The following CDK14 variants were observed in gnomAD, a reference collection of about 807,000 sequenced individuals.
CDK14 encodes the protein cyclin-dependent kinase 14.
In CDK14, 34 loss-of-function variants were observed where a neutral mutation model predicts 60.7. The ratio of observed to expected loss-of-function variants is 0.56; its 90% CI spans 0.43 to 0.75. The LOEUF is 0.75. Among genes scored for constraint, CDK14 ranks in the 30% least tolerant of loss-of-function variants. CDK14 has a pLI of 0.00. For synonymous variants in CDK14, 197 were observed against 203.7 expected, an observed-to-expected ratio of 0.97 and a Z score of 0.28; for missense variants, 482 against 564.1, an observed-to-expected ratio of 0.85 and a Z score of 1.47.
chr7:90,811,414 A>C (rs1562781483), intron 5 of CDK14, among the ~76,000 whole-genome samples: 2 of 152,258 alleles, frequency 1.3e-5, no homozygotes, highest in African/African-American at 2.4e-5. Flanking sequence ...GGCTAGCCAT[A>C]TGCAGAAAGC....
At chr7:90,639,312 G>A (rs916249981) in intron 2 of CDK14, among the ~76,000 whole-genome samples, 7 of 151,864 alleles carry the variant, frequency 4.6e-5, no homozygotes, top group African/African-American at 1.2e-4. Context: ...TTTTGGTGTG[G>A]ATGTCCTTTC....
chr7:91,026,498 C>T (rs1022297203), intron 10 of CDK14, among the ~76,000 whole-genome samples: 2 of 152,164 alleles, frequency 1.3e-5, no homozygotes, highest in African/African-American at 2.4e-5. Context: ...ACTGTTAGCC[C>T]AACCTCTGAT....
At chr7:90,623,480 A>C (rs1799815477) in intron 2 of CDK14, among the ~76,000 whole-genome samples, 1 of 152,206 alleles carries the variant, frequency 6.6e-6, no homozygotes, top group African/African-American at 2.4e-5. Context: ...AGTGGGAAAG[A>C]AGGAAGGAAA....
At chr7:90,961,360 T>TA (rs534456899) in intron 9 of CDK14, among the ~76,000 whole-genome samples, 3,461 of 152,114 alleles carry the variant, frequency 0.023, 35 homozygotes, top group Non-Finnish European at 0.032. Flanking sequence ...AAGAGTTTTT[T>TA]AAAAAAAATA....
chr7:90,822,135 C>T lies in CDK14; in HGVS notation c.544+31483C>T, dbSNP rs374858109. Among the ~76,000 whole-genome samples, 11 of 152,276 alleles carry T rather than the reference C, an allele frequency of 7.2e-5. No homozygotes were observed. The East Asian group carries it at 9.6e-4, about 13-fold the overall frequency. ...TCTTGTCTTCAGTATTTATTTTGGA[C>T]GATGAGACTGTTTTTGGTATTTTTG... On this transcript the variant is annotated intron_variant, in intron 5 of 14. Coordinates refer to ENST00000380050, the MANE Select transcript of CDK14 (RefSeq NM_001287135.2).
intron 14 of CDK14, among the ~76,000 whole-genome samples, chr7:91,196,562 T>A (rs1802549819): frequency 1.3e-5 from 2 of 152,240 alleles, no homozygotes; most frequent in African/African-American, 4.8e-5. Context: ...TTGTACTTCT[T>A]CTCATTTCAG....
chr7:91,081,901 T>TAA (rs367943174), intron 12 of CDK14, among the ~76,000 whole-genome samples: 1 of 150,940 alleles, frequency 6.6e-6, no homozygotes, highest in Non-Finnish European at 1.5e-5. Context: ...AAATATATAT[T>TAA]AAAAAAAAAG....
chr7:90,914,398 ATTTG>A lies in CDK14; in HGVS notation c.703-3197_703-3194del, dbSNP rs61689531. Among the ~76,000 whole-genome samples, 893 of 152,192 alleles carry A rather than the reference ATTTG, an allele frequency of 5.9e-3. 12 individuals carry two copies. The highest frequency in any genetic ancestry group is 0.02 in the African/African-American group (845 of 41,526). Reference sequence around the variant, plus strand: ...AAATACAGACCTCTAAGTCACAATGATTTGTTTGTGTGTCTGTCACACTGAGTTA... The same window carrying A: ...AAATACAGACCTCTAAGTCACAATGATTTGTGTGTCTGTCACACTGAGTTA... On this transcript the variant is annotated intron_variant, in intron 7 of 14. Coordinates refer to ENST00000380050, the MANE Select transcript of CDK14 (RefSeq NM_001287135.2).
chr7:91,121,122 T>C (rs10232154), intron 14 of CDK14, among the ~76,000 whole-genome samples: 23,510 of 152,280 alleles, frequency 0.15, 2,349 homozygotes, highest in African/African-American at 0.29. Context: ...CTGAATATCA[T>C]ATAGACATTA....
At chr7:90,714,990 C>T (rs758520640) in intron 2 of CDK14, among the ~76,000 whole-genome samples, 9 of 151,914 alleles carry the variant, frequency 5.9e-5, no homozygotes, top group Non-Finnish European at 1.0e-4. Context: ...TATTTTTAAA[C>T]GCTGTTCATA....
intron 2 of CDK14, among the ~76,000 whole-genome samples, chr7:90,644,399 TG>T (rs1450066599): frequency 6.6e-5 from 10 of 152,230 alleles, no homozygotes; most frequent in African/African-American, 2.4e-4. Flanking sequence ...GTTTTCCTGA[TG>T]GGTAATCTAA....
intron 10 of CDK14, among the ~76,000 whole-genome samples, chr7:91,004,973 C>G (rs1795940306): frequency 6.6e-6 from 1 of 152,220 alleles, no homozygotes; most frequent in African/African-American, 2.4e-5. Context: ...TGGAAAGGCT[C>G]TCCCTCGCCA....
intron 2 of CDK14, among the ~76,000 whole-genome samples, chr7:90,683,897 C>CGTGTGTGTGTGT (rs35197919): frequency 4.8e-4 from 70 of 145,764 alleles, no homozygotes; most frequent in Non-Finnish European, 7.1e-4. Flanking sequence ...AGAAAATGTA[C>CGTGTGTGTGTGT]GTGTGTGTGT....
intron 5 of CDK14, among the ~76,000 whole-genome samples, chr7:90,854,853 C>A (rs192973156): frequency 6.6e-6 from 1 of 152,272 alleles, no homozygotes; most frequent in Admixed American, 6.5e-5. Flanking sequence ...TAAATTGTCT[C>A]TTTTCCTCCT....
At chr7:90,667,575 CTTT>C (rs1165434635) in intron 2 of CDK14, among the ~76,000 whole-genome samples, 1 of 143,804 alleles carries the variant, frequency 7.0e-6, no homozygotes, top group Admixed American at 7.0e-5. Flanking sequence ...TGTATCCGTA[CTTT>C]TTTTTTTTTT....
chr7:90,977,030 T>C (rs1380595606), intron 9 of CDK14, among the ~76,000 whole-genome samples: 3 of 152,188 alleles, frequency 2.0e-5, no homozygotes, highest in Non-Finnish European at 4.4e-5. Context: ...CCCAGATCAA[T>C]GTCCTGTGTT....
At chr7:91,147,565 C>G (rs1267370567) in intron 14 of CDK14, among the ~76,000 whole-genome samples, 1 of 152,180 alleles carries the variant, frequency 6.6e-6, no homozygotes, top group Non-Finnish European at 1.5e-5. Flanking sequence ...TCTCAGATAA[C>G]TCAGAATGAT....
intron 5 of CDK14, among the ~76,000 whole-genome samples, chr7:90,790,853 G>C (rs1805803934): frequency 6.6e-6 from 1 of 152,186 alleles, no homozygotes; most frequent in African/African-American, 2.4e-5. Context: ...TATCTGCTGT[G>C]TGCTCAGATG....
At chr7:90,909,775 C>T (rs1792830565) in intron 7 of CDK14, among the ~76,000 whole-genome samples, 1 of 152,038 alleles carries the variant, frequency 6.6e-6, no homozygotes, top group South Asian at 2.1e-4. Flanking sequence ...TGAGTTATTT[C>T]TCTCCAGAAA....
Sources: allele counts gnomAD v4.1 joint callset (sites outside exome capture counted in the v4.1 genomes callset), GRCh38; gene constraint gnomAD v4.1.1; transcripts MANE v1.5; gene names NCBI Gene and HGNC (gene_info 2026-07-23, HGNC 2026-07-21).